Variants in STK3 observed in about 807,000 individuals in gnomAD.
STK3 encodes serine/threonine kinase 3, also known as serine/threonine-protein kinase 3.
Under a neutral mutation model 58.0 loss-of-function variants are expected in STK3, and 41 were observed. That is an observed-to-expected ratio of 0.71 (90% CI 0.55 to 0.92). STK3 has a LOEUF of 0.92. Ranked by LOEUF, STK3 falls within the 40% of genes least tolerant of loss-of-function variation. STK3 has a pLI of 0.00. For missense variants in STK3, 479 were observed against 602.7 expected (o/e 0.79, Z 2.15); for synonymous variants, 170 against 191.0 (o/e 0.89, Z 0.91).
chr8:98,708,821 C>A (rs943451013), intron 4 of STK3, among the ~76,000 whole-genome samples: 1 of 151,720 alleles, frequency 6.6e-6, no homozygotes, highest in East Asian at 1.9e-4. Context: ...TGTTTTCTCA[C>A]CCTCTCACAA....
Position 98,674,642 on chromosome 8 carries a change from G to T in STK3, c.684+31825C>A, listed in dbSNP as rs926361459. Among the ~76,000 whole-genome samples the T allele has an allele frequency of 7.4e-4, 113 of 152,196 alleles. 1 individual carries two copies. The highest frequency in any genetic ancestry group is 2.7e-3 in the African/African-American group (112 of 41,540). ...TCACAGTTCCCAAATAATTATAGCA[G>T]CCAAAAGGTCAAGTCTAAAAACCCT... is the stretch of plus-strand genomic sequence containing the variant. On this transcript the variant is annotated intron_variant, in intron 6 of 10. Transcript: ENST00000419617.
At chr8:98,654,641 G>T (rs1821315422) in intron 6 of STK3, among the ~76,000 whole-genome samples, 1 of 152,078 alleles carries the variant, frequency 6.6e-6, no homozygotes, top group Non-Finnish European at 1.5e-5. Flanking sequence ...CAAAGTCTCA[G>T]GATACAAAAT....
rs375581206 is a variant in STK3 at position 98,575,635 on chromosome 8, CT to C, written c.948+4028del. On this transcript the variant is annotated intron_variant, in intron 8 of 10. Coordinates refer to ENST00000419617, the MANE Select transcript of STK3 (RefSeq NM_006281.4). ...TTGTAAGAGTTCTCTATACAGTTTG[CT>C]TTTTTTTTTTTCTTTTAAACAGATG... Among the ~76,000 whole-genome samples the C allele has an allele frequency of 7.9e-3, 1,129 of 143,228 alleles. 10 individuals carry two copies. The highest frequency in any genetic ancestry group is 0.025 in the African/African-American group (993 of 39,154). 94.0% of individuals were successfully genotyped at this position (143,228 alleles called of 152,430 possible).
At chr8:98,388,600 T>C (rs1054183440), upstream of STK3, among the ~76,000 whole-genome samples, 1 of 152,180 alleles carries the variant, frequency 6.6e-6, no homozygotes, top group Non-Finnish European at 1.5e-5. Flanking sequence ...TAATTGATAC[T>C]ATTGGGATGA....
intron 6 of STK3, among the ~76,000 whole-genome samples, chr8:98,683,487 T>C (rs1823776354): frequency 6.6e-6 from 1 of 152,138 alleles, no homozygotes; most frequent in Admixed American, 6.5e-5. Context: ...TATTCTTATG[T>C]TAGAATCTGC....
At chr8:98,611,629 G>GA (rs1817208694) in intron 6 of STK3, among the ~76,000 whole-genome samples, 1 of 152,052 alleles carries the variant, frequency 6.6e-6, no homozygotes, top group South Asian at 2.1e-4. Context: ...ATTTCTTTAA[G>GA]AAAACCTTAT....
chr8:98,719,651 C>T (rs1158252103), intron 4 of STK3, among the ~76,000 whole-genome samples: 1 of 152,190 alleles, frequency 6.6e-6, no homozygotes, highest in Non-Finnish European at 1.5e-5. Flanking sequence ...CATGTAGAGG[C>T]AATCTTCACT....
intron 8 of STK3, among the ~76,000 whole-genome samples, chr8:98,561,854 A>G (rs1378005782): frequency 3.3e-5 from 5 of 152,180 alleles, no homozygotes; most frequent in African/African-American, 4.8e-5. Context: ...AATGGGGAAA[A>G]ATATTGAACA....
rs55664519 is a variant in STK3, at chr8:98,442,992, CAA to C, written n.186-5786_186-5785del. 1.4e-4 allele frequency among the ~76,000 whole-genome samples: 21 copies of C among 147,316 alleles called. No individual in the cohort carries two copies. In the East Asian group the frequency reaches 2.4e-3, roughly 17 times the overall value. ...AAATTAAACTGGCTCTTAGCTAAAG[CAA>C]AAAAAAAAAACAACAAAAAACCCAG... On this transcript the variant is annotated intron_variant and non_coding_transcript_variant, in intron 1 of 3. Transcript: ENST00000517832.
chr8:98,552,318 G>GT, intron 8 of STK3, among the ~76,000 whole-genome samples: 1 of 152,178 alleles, frequency 6.6e-6, no homozygotes, highest in Middle Eastern at 3.4e-3. Flanking sequence ...CAAATGACAT[G>GT]TTACTCTCCT....
chr8:98,515,300 G>A (rs1423971672), intron 10 of STK3, among the ~76,000 whole-genome samples: 2 of 152,058 alleles, frequency 1.3e-5, no homozygotes, highest in African/African-American at 4.8e-5. Context: ...GGCAGTTAAA[G>A]CCTTTACCAC....
chr8:98,635,186 G>T (rs556765681), intron 6 of STK3, among the ~76,000 whole-genome samples: 1 of 152,206 alleles, frequency 6.6e-6, no homozygotes, highest in South Asian at 2.1e-4. Context: ...TAAGCAATAA[G>T]CATGCTGTGC....
At chr8:98,802,969 C>A (rs960250173) in intron 1 of STK3, among the ~76,000 whole-genome samples, 1 of 152,110 alleles carries the variant, frequency 6.6e-6, no homozygotes, top group African/African-American at 2.4e-5. Flanking sequence ...ACTGCTTTAT[C>A]CCCAGCACAA....
intron 1 of STK3, chr8:98,778,939 GT>G (rs1383250690): frequency 6.6e-6 from 1 of 152,040 alleles, no homozygotes; most frequent in Non-Finnish European, 1.5e-5. Context: ...TAAATGACGA[GT>G]TAATGGGTGC....
chr8:98,871,962 T>A (rs1228483868), intron 3 of STK3, among the ~76,000 whole-genome samples: 1 of 152,244 alleles, frequency 6.6e-6, no homozygotes. Context: ...CCATTCAGTA[T>A]GATATTGGCT....
At chr8:98,893,536 G>C (rs1487149375) in intron 1 of STK3, among the ~76,000 whole-genome samples, 2 of 121,184 alleles carry the variant, frequency 1.7e-5, no homozygotes, top group Admixed American at 1.8e-4. Context: ...AAGAAAGAAA[G>C]AAAAAGAAAG....
At chr8:98,682,714 A>G (rs941746337) in intron 6 of STK3, among the ~76,000 whole-genome samples, 5 of 152,156 alleles carry the variant, frequency 3.3e-5, no homozygotes, top group African/African-American at 1.2e-4. Flanking sequence ...TTTATAAGTC[A>G]GGTATGACTT....
intron 1 of STK3, among the ~76,000 whole-genome samples, chr8:98,790,584 G>T (rs1349695706): frequency 6.6e-6 from 1 of 152,184 alleles, no homozygotes; most frequent in African/African-American, 2.4e-5. Flanking sequence ...AAAGCTGAAA[G>T]CACTCCCTCT....
intron 4 of STK3, among the ~76,000 whole-genome samples, chr8:98,738,768 G>A (rs199606885): frequency 2.6e-5 from 4 of 152,238 alleles, no homozygotes; most frequent in South Asian, 2.1e-4. Context: ...CACCGTGTGC[G>A]AGCCTAAGCA....
Sources: allele counts gnomAD v4.1 joint callset (sites outside exome capture counted in the v4.1 genomes callset), GRCh38; gene constraint gnomAD v4.1.1; transcripts MANE v1.5; gene names NCBI Gene and HGNC (gene_info 2026-07-23, HGNC 2026-07-21).